The following EPC2 variants were observed in gnomAD, a reference collection of about 807,000 sequenced individuals.
EPC2 encodes the protein enhancer of polycomb homolog 2.
EPC2 carries 14 observed loss-of-function variants against 92.1 expected under a neutral mutation model. The observed-to-expected ratio is 0.15, with a 90% CI of 0.10 to 0.24. The LOEUF is 0.24. Ranked by LOEUF, EPC2 falls within the 10% of genes least tolerant of loss-of-function variation. EPC2 has a pLI of 1.00. For synonymous variants in EPC2, 340 were observed against 334.7 expected (o/e 1.02, Z -0.17); for missense variants, 755 against 971.5 (o/e 0.78, Z 2.96).
intron 2 of EPC2, among the ~76,000 whole-genome samples, chr2:148,711,467 C>T (rs116417017): frequency 0.025 from 3,837 of 152,172 alleles, 56 homozygotes; most frequent in East Asian, 0.032. Context: ...CATTTCTACT[C>T]TCATAAAATT....
At chr2:148,647,467 C>T (rs946788271) in intron 1 of EPC2, among the ~76,000 whole-genome samples, 1 of 151,704 alleles carries the variant, frequency 6.6e-6, no homozygotes, top group Admixed American at 6.6e-5. Context: ...ACTACCTCGC[C>T]CAGCTAATTT....
intron 1 of EPC2, among the ~76,000 whole-genome samples, chr2:148,661,407 G>A (rs1360035293): frequency 6.6e-6 from 1 of 151,994 alleles, no homozygotes; most frequent in Non-Finnish European, 1.5e-5. Context: ...GTTTGTCCTA[G>A]TTTTCTCTGA....
At chr2:148,718,871 C>T (rs1682308114) in intron 2 of EPC2, among the ~76,000 whole-genome samples, 1 of 152,174 alleles carries the variant, frequency 6.6e-6, no homozygotes, top group South Asian at 2.1e-4. Flanking sequence ...CTTTCAGGTA[C>T]CTCAGTCAGT....
chr2:148,650,439 G>A (rs1181158170), intron 1 of EPC2, among the ~76,000 whole-genome samples: 2 of 151,992 alleles, frequency 1.3e-5, no homozygotes, highest in Admixed American at 6.6e-5. Context: ...TTCACACGCC[G>A]ATATGGTTGT....
At chr2:148,711,633 C>G (rs902023605) in intron 2 of EPC2, among the ~76,000 whole-genome samples, 2 of 152,024 alleles carry the variant, frequency 1.3e-5, no homozygotes, top group African/African-American at 4.8e-5. Context: ...TAAGTATGTC[C>G]TTACTGATTT....
At chr2:148,677,981 G>A (rs901282377) in intron 1 of EPC2, among the ~76,000 whole-genome samples, 20 of 152,128 alleles carry the variant, frequency 1.3e-4, no homozygotes, top group African/African-American at 3.9e-4. Flanking sequence ...CAGTGTGGAA[G>A]GGGACCCGAG....
intron 1 of EPC2, among the ~76,000 whole-genome samples, chr2:148,661,998 T>C (rs903120001): frequency 2.0e-5 from 3 of 152,024 alleles, no homozygotes; most frequent in Non-Finnish European, 4.4e-5. Flanking sequence ...CATCAAAAAG[T>C]GGGCAAAGGA....
At chr2:148,657,475 G>A (rs1402210776) in intron 1 of EPC2, among the ~76,000 whole-genome samples, 2 of 152,120 alleles carry the variant, frequency 1.3e-5, no homozygotes, top group Non-Finnish European at 2.9e-5. Context: ...ACAGAGATCA[G>A]TGGGTCTTAT....
chr2:148,675,623 A>G (rs1681247708), intron 1 of EPC2, among the ~76,000 whole-genome samples: 1 of 152,198 alleles, frequency 6.6e-6, no homozygotes, highest in Non-Finnish European at 1.5e-5. Context: ...GCTGGTGTTC[A>G]TAAATCCCTA....
intron 2 of EPC2, among the ~76,000 whole-genome samples, chr2:148,721,922 CTCT>C (rs1682388228): frequency 1.5e-5 from 1 of 67,412 alleles, no homozygotes; most frequent in Admixed American, 1.9e-4. Context: ...ATTCTCATCT[CTCT>C]TCTTATATTA....
intron 2 of EPC2, among the ~76,000 whole-genome samples, chr2:148,732,497 C>T (rs1309218384): frequency 6.6e-6 from 1 of 151,870 alleles, no homozygotes; most frequent in African/African-American, 2.4e-5. Flanking sequence ...TCTCCTGCCT[C>T]AGCCTCCCAA....
At chr2:148,687,763 A>G (rs1269872718) in intron 1 of EPC2, among the ~76,000 whole-genome samples, 1 of 152,090 alleles carries the variant, frequency 6.6e-6, no homozygotes, top group Admixed American at 6.6e-5. Flanking sequence ...TTGTTTGCCC[A>G]CTTCCTCATA....
chr2:148,740,670 G>GCAAAA (rs1682865225), intron 2 of EPC2, among the ~76,000 whole-genome samples: 1 of 152,120 alleles, frequency 6.6e-6, no homozygotes, highest in Admixed American at 6.5e-5. Flanking sequence ...GATTAGGTAG[G>GCAAAA]TGTATAAAAG....
At chr2:148,761,587 G>A (rs1558832791) in intron 4 of EPC2, among the ~76,000 whole-genome samples, 195 bp from the exon 5 acceptor site, 2 of 152,018 alleles carry the variant, frequency 1.3e-5, no homozygotes, top group Admixed American at 6.6e-5. Context: ...TTTTCTGAGT[G>A]TCGAGAGATA....
In EPC2 at chr2:148,771,202, C is replaced by A; in HGVS notation, c.1535C>A (p.Ser512Tyr). 1 of 1,613,964 alleles carries A rather than the reference C, an allele frequency of 6.2e-7. No individual in the cohort carries two copies. Among genetic ancestry groups the A allele is most frequent in the Non-Finnish European group, 8.5e-7 (1 of 1,179,870 alleles). ...AGTAAACATTGTGAAAATAGACTGT[C>A]TCTTTCTGAAATATTAAGCAATATC... ...ASSKHCENRL[S>Y]LSEILSNIRS... The change falls in exon 10 of 14, where the codon TCT becomes TAT. Residue 512 changes from serine to tyrosine, a missense_variant. Coordinates refer to ENST00000258484, the MANE Select transcript of EPC2 (RefSeq NM_015630.4).
At chr2:148,734,022 A>G (rs1052658234) in intron 2 of EPC2, among the ~76,000 whole-genome samples, 2 of 152,194 alleles carry the variant, frequency 1.3e-5, no homozygotes, top group Non-Finnish European at 2.9e-5. Flanking sequence ...ACATATAGGA[A>G]AAGAAATGAT....
In EPC2 at chr2:148,715,341, C is replaced by T. The variant is rs114857880; in HGVS notation, c.313+24968C>T. On this transcript the variant is annotated intron_variant, in intron 2 of 13. Coordinates refer to ENST00000258484, the MANE Select transcript of EPC2 (RefSeq NM_015630.4). ...AGCCACTGCGCCCAGCCTCTTCTAG[C>T]GTTTTTATAGTTTTGGGTTTTCCAT... Among the ~76,000 whole-genome samples, 1,503 of 151,932 alleles carry T rather than the reference C, an allele frequency of 9.9e-3. 31 individuals carry two copies. The highest frequency in any genetic ancestry group is 0.034 in the African/African-American group (1,429 of 41,490).
intron 2 of EPC2, among the ~76,000 whole-genome samples, chr2:148,716,483 A>G (rs1682263761): frequency 6.6e-6 from 1 of 152,150 alleles, no homozygotes; most frequent in Non-Finnish European, 1.5e-5. Context: ...TGAGATAATC[A>G]TGTATTTTTT....
At chr2:148,771,419 G>A in intron 10 of EPC2, 32 bp downstream of exon 10, 2 of 1,491,584 alleles carry the variant, frequency 1.3e-6, no homozygotes, top group Non-Finnish European at 1.8e-6. Flanking sequence ...AGTATATCCT[G>A]CTATTCTTTT....
Sources: gnomAD v4.1 joint callset for allele counts (sites outside exome capture counted in the v4.1 genomes callset) on GRCh38, gnomAD v4.1.1 for gene constraint, MANE v1.5 for transcripts, NCBI Gene and HGNC (gene_info 2026-07-23, HGNC 2026-07-21) for gene names.